The following PLCB1 variants were observed in gnomAD, a reference collection of about 807,000 sequenced individuals.
PLCB1 encodes 1-phosphatidylinositol 4,5-bisphosphate phosphodiesterase beta-1.
Under a neutral mutation model 161.8 loss-of-function variants are expected in PLCB1, and 46 were observed. That is an observed-to-expected ratio of 0.28 (90% confidence interval 0.22 to 0.36). The LOEUF (loss-of-function observed/expected upper bound fraction) is 0.36. Ranked by LOEUF, PLCB1 falls within the 10% of genes least tolerant of loss-of-function variation. PLCB1 has a pLI of 1.00. For missense variants in PLCB1, 1,016 were observed against 1,472.5 expected (o/e 0.69, Z 5.07); for synonymous variants, 517 against 503.7 (o/e 1.03, Z -0.35).
At chr20:8,258,131 T>A (rs568485228) in intron 2 of PLCB1, among the ~76,000 whole-genome samples, 21 of 152,310 alleles carry the variant, frequency 1.4e-4, no homozygotes, top group Admixed American at 2.0e-4. Flanking sequence ...ATGATTTTTT[T>A]AAAAAGAAAC....
chr20:8,214,616 TA>T (rs1979020341), intron 2 of PLCB1, among the ~76,000 whole-genome samples: 1 of 151,142 alleles, frequency 6.6e-6, no homozygotes, highest in Non-Finnish European at 1.5e-5. Flanking sequence ...CTTCATTCAT[TA>T]AAAGGCTACT....
At chr20:8,342,642 G>A (rs977448171) in intron 2 of PLCB1, among the ~76,000 whole-genome samples, 4 of 152,258 alleles carry the variant, frequency 2.6e-5, no homozygotes, top group African/African-American at 2.4e-5. Flanking sequence ...ATAGCCCGGC[G>A]CAAGAGCCAG....
At chr20:8,446,900 A>T (rs2122634008) in intron 3 of PLCB1, among the ~76,000 whole-genome samples, 1 of 152,242 alleles carries the variant, frequency 6.6e-6, no homozygotes, top group East Asian at 1.9e-4. Context: ...GTTATCTTCT[A>T]ATTTTACTTG....
At chr20:8,227,018 T>C (rs1273412232) in intron 2 of PLCB1, among the ~76,000 whole-genome samples, 1 of 152,182 alleles carries the variant, frequency 6.6e-6, no homozygotes, top group Non-Finnish European at 1.5e-5. Flanking sequence ...TATTTTTATT[T>C]AGCCTAAAAC....
rs777357719 is a variant in PLCB1, at chr20:8,858,892, ACT to A, written c.3424-22727_3424-22726del. Among the ~76,000 whole-genome samples the A allele has an allele frequency of 1.6e-4, 22 of 140,476 alleles. No homozygotes were observed. The East Asian group carries it at 2.0e-3, about 13-fold the overall frequency. The allele number at this position is 140,476 out of a possible 152,430, so 92.2% of individuals were successfully genotyped here. ...CTTGTTCTTAGGGTAGTGTTCTCAAACTCTGGCAATTTGAGTGTGCAAAAAAA... is the reference window on the plus strand; with the variant it reads ...CTTGTTCTTAGGGTAGTGTTCTCAAACTGGCAATTTGAGTGTGCAAAAAAA... On this transcript the variant is annotated intron_variant, in intron 31 of 31. Coordinates refer to ENST00000338037, the MANE Select transcript of PLCB1 (RefSeq NM_015192.4).
chr20:8,695,502 G>A (rs1347601657), intron 10 of PLCB1, among the ~76,000 whole-genome samples: 1 of 152,166 alleles, frequency 6.6e-6, no homozygotes, highest in Non-Finnish European at 1.5e-5. Flanking sequence ...AGGAGTTTGA[G>A]ACCAACCTGG....
chr20:8,219,326 C>A (rs1568594728), intron 2 of PLCB1, among the ~76,000 whole-genome samples: 1 of 152,094 alleles, frequency 6.6e-6, no homozygotes, highest in African/African-American at 2.4e-5. Flanking sequence ...ATGATGAATA[C>A]ATTTTATTTT....
intron 17 of PLCB1, 58 bp downstream of exon 17, chr20:8,727,451 T>C: frequency 3.1e-6 from 3 of 957,714 alleles, no homozygotes; most frequent in Non-Finnish European, 5.0e-6. Flanking sequence ...TTGTGCTATT[T>C]GTTCATTTGG....
chr20:8,640,338 T>C (rs1219758031), intron 4 of PLCB1, among the ~76,000 whole-genome samples: 1 of 152,234 alleles, frequency 6.6e-6, no homozygotes, highest in Non-Finnish European at 1.5e-5. Flanking sequence ...CACATACATC[T>C]TACTAAGGAA....
intron 10 of PLCB1, 115 bp downstream of exon 10, chr20:8,685,193 T>G (rs1488841326): frequency 6.2e-6 from 6 of 970,252 alleles, no homozygotes; most frequent in Non-Finnish European, 9.5e-6. Context: ...GCGAAGTGCC[T>G]CTGAGAACTC....
intron 2 of PLCB1, among the ~76,000 whole-genome samples, chr20:8,207,324 T>C (rs946843535): frequency 6.6e-5 from 10 of 152,188 alleles, no homozygotes; most frequent in Admixed American, 2.0e-4. Flanking sequence ...CTAGTTTATA[T>C]TATACGGAAC....
At chr20:8,477,865 T>C (rs1600096470) in intron 3 of PLCB1, among the ~76,000 whole-genome samples, 1 of 152,208 alleles carries the variant, frequency 6.6e-6, no homozygotes, top group African/African-American at 2.4e-5. Flanking sequence ...ATACTGGGAA[T>C]AACATTTCGG....
intron 2 of PLCB1, chr20:8,371,053 C>G (rs1486377440): frequency 4.2e-6 from 1 of 239,288 alleles, no homozygotes; most frequent in East Asian, 1.0e-4. Flanking sequence ...CATACCCTCA[C>G]CTACGCTCAG....
intron 2 of PLCB1, among the ~76,000 whole-genome samples, chr20:8,275,286 T>TGTGTGTGTGA (rs773003102): frequency 1.3e-5 from 2 of 151,606 alleles, no homozygotes; most frequent in African/African-American, 4.9e-5. Context: ...TGTGTGTGTG[T>TGTGTGTGTGA]GAAGCGGCAC....
intron 2 of PLCB1, among the ~76,000 whole-genome samples, chr20:8,265,830 A>G (rs1310904554): frequency 6.6e-6 from 1 of 152,300 alleles, no homozygotes; most frequent in East Asian, 1.9e-4. Flanking sequence ...TTTGTGAGTC[A>G]TTGTTTTTAT....
At chr20:8,179,041 G>A (rs1215422061) in intron 2 of PLCB1, among the ~76,000 whole-genome samples, 1 of 152,168 alleles carries the variant, frequency 6.6e-6, no homozygotes, top group Non-Finnish European at 1.5e-5. Context: ...GTATAGCCTT[G>A]TAGTATAGTT....
At chr20:8,272,052 G>A (rs1046006556) in intron 2 of PLCB1, among the ~76,000 whole-genome samples, 8 of 152,112 alleles carry the variant, frequency 5.3e-5, no homozygotes, top group Middle Eastern at 3.4e-3. Flanking sequence ...TCACTTAGGC[G>A]TCTAATGGCT....
At chr20:8,744,007 A>C (rs1325480775) in intron 23 of PLCB1, among the ~76,000 whole-genome samples, 2 of 152,172 alleles carry the variant, frequency 1.3e-5, no homozygotes, top group African/African-American at 4.8e-5. Context: ...ATTTACATAG[A>C]TACAAATAAA....
intron 2 of PLCB1, among the ~76,000 whole-genome samples, chr20:8,160,507 G>A (rs2051611461): frequency 6.6e-6 from 1 of 152,180 alleles, no homozygotes; most frequent in South Asian, 2.1e-4. Context: ...CAATCATAGT[G>A]GAAGGTGAGA....
Sources: allele counts gnomAD v4.1 joint callset (sites outside exome capture counted in the v4.1 genomes callset), GRCh38; gene constraint gnomAD v4.1.1; transcripts MANE v1.5; gene names NCBI Gene and HGNC (gene_info 2026-07-23, HGNC 2026-07-21).